The following POTEF variants were observed in gnomAD, a reference collection of about 807,000 sequenced individuals.
The protein encoded by POTEF is ANKRD26-like family C member 1B.
Under a neutral mutation model 83.2 loss-of-function variants are expected in POTEF, and 20 were observed. The observed-to-expected ratio is 0.24, with a 90% CI of 0.17 to 0.35. The LOEUF (loss-of-function observed/expected upper bound fraction) is 0.35, where lower values mean the gene tolerates loss of function less well. Ranked by LOEUF, POTEF falls within the 10% of genes least tolerant of loss-of-function variation. The pLI, the probability that POTEF is intolerant of heterozygous loss-of-function variation, is 1.00. For synonymous variants in POTEF, 196 were observed against 446.4 expected (o/e 0.44, Z 7.07); for missense variants, 550 against 1,203.2 (o/e 0.46, Z 8.03).
intron 8 of POTEF, among the ~76,000 whole-genome samples, chr2:130,102,542 C>T (rs544127487): frequency 7.5e-5 from 11 of 146,308 alleles, no homozygotes; most frequent in South Asian, 4.4e-4. Context: ...CAAGTTTTCC[C>T]GCACTTAGCT....
chr2:130,118,979 A>T (rs2104826114), intron 3 of POTEF, among the ~76,000 whole-genome samples: 2 of 151,806 alleles, frequency 1.3e-5, no homozygotes, highest in African/African-American at 4.8e-5. Flanking sequence ...TTCAGCTGTT[A>T]GTAAACAATT....
chr2:130,122,418 G>A (rs1375122240), intron 2 of POTEF, among the ~76,000 whole-genome samples: 1 of 143,722 alleles, frequency 7.0e-6, no homozygotes, highest in African/African-American at 2.6e-5. Flanking sequence ...AGCATATGTT[G>A]AATAGGGTGT....
Position 130,078,294 on chromosome 2 carries a change from A to G in POTEF, c.1779-1093T>C, listed in dbSNP as rs1201880492. Among the ~76,000 whole-genome samples, 3 of 90,688 alleles carry G rather than the reference A, an allele frequency of 3.3e-5. 1 individual carries two copies. Among genetic ancestry groups the G allele is most frequent in the Non-Finnish European group, 7.1e-5 (3 of 42,134 alleles). The allele number at this position is 90,688 out of a possible 152,430, so 59.5% of individuals were successfully genotyped here. A position where few individuals can be genotyped will look rare whatever the true frequency, so the allele number is the denominator to read the frequency against. ...ATGAATACCAATCAGTAGCACCACTATACATCAACTACAACCAAGCTGAGA... is the reference window on the plus strand; with the variant it reads ...ATGAATACCAATCAGTAGCACCACTGTACATCAACTACAACCAAGCTGAGA... On this transcript the variant is annotated intron_variant, in intron 15 of 16. Transcript: ENST00000409914.
intron 2 of POTEF, among the ~76,000 whole-genome samples, chr2:130,127,079 T>A (rs1401417166): frequency 6.6e-6 from 1 of 151,798 alleles, no homozygotes; most frequent in Admixed American, 6.6e-5. Context: ...CCTAGCACTT[T>A]GGGAGGCCAA....
At chr2:130,128,928 C>A (rs1410335733) in intron 1 of POTEF, 144 bp downstream of exon 1, 11 of 122,764 alleles carry the variant, frequency 9.0e-5, no homozygotes, top group Admixed American at 2.5e-4. Flanking sequence ...CCAAAACCGC[C>A]CCCCTCCACC....
At chr2:130,103,332 C>T (rs1334070220) in intron 8 of POTEF, among the ~76,000 whole-genome samples, 1 of 150,580 alleles carries the variant, frequency 6.6e-6, no homozygotes, top group South Asian at 2.1e-4. Context: ...ATCTTTTGAC[C>T]TTGTGATCTG....
intron 2 of POTEF, among the ~76,000 whole-genome samples, chr2:130,122,070 A>G (rs1685013495): frequency 1.3e-5 from 2 of 151,158 alleles, no homozygotes; most frequent in African/African-American, 4.9e-5. Flanking sequence ...AAGTGGAATC[A>G]TAATAATATA....
chr2:130,119,395 T>C (rs1378881618), intron 3 of POTEF, among the ~76,000 whole-genome samples: 1 of 151,956 alleles, frequency 6.6e-6, no homozygotes, highest in Non-Finnish European at 1.5e-5. Context: ...CTCAATCTCC[T>C]GACCTCATGA....
At chr2:130,126,403 C>A (rs1200003675) in intron 2 of POTEF, among the ~76,000 whole-genome samples, 1 of 151,830 alleles carries the variant, frequency 6.6e-6, no homozygotes, top group East Asian at 1.9e-4. Context: ...TTAGAACTTA[C>A]CCCGTGACTC....
chr2:130,118,793 T>A (rs1684916536), intron 3 of POTEF, among the ~76,000 whole-genome samples: 1 of 152,028 alleles, frequency 6.6e-6, no homozygotes. Flanking sequence ...TTAAATTTTT[T>A]AATCTATACT....
chr2:130,086,629 TTAGAC>T (rs1684024197), intron 13 of POTEF, among the ~76,000 whole-genome samples: 1 of 68,712 alleles, frequency 1.5e-5, no homozygotes, highest in African/African-American at 7.1e-5. Context: ...ATAATTCACC[TTAGAC>T]AAAGGGAGAA....
At chr2:130,126,266 G>A (rs1685088492) in intron 2 of POTEF, among the ~76,000 whole-genome samples, 1 of 122,992 alleles carries the variant, frequency 8.1e-6, no homozygotes, top group Non-Finnish European at 1.6e-5. Flanking sequence ...TCGCCCCATT[G>A]CACTCCAGCC....
intron 2 of POTEF, among the ~76,000 whole-genome samples, chr2:130,127,240 G>C (rs941407714): frequency 1.4e-5 from 2 of 144,508 alleles, no homozygotes; most frequent in African/African-American, 5.2e-5. Context: ...CAGGAGGATG[G>C]TGTGAACCCA....
Position 130,120,112 on chromosome 2 carries a change from A to T in POTEF, c.404T>A (p.Val135Asp), listed in dbSNP as rs1174246982. 6.2e-7 allele frequency: 1 copy of T among 1,607,382 alleles called. No individual in the cohort carries two copies. Among genetic ancestry groups the T allele is most frequent in the Admixed American group, 1.7e-5 (1 of 59,444 alleles). Residue 135 changes from valine to aspartate, a missense_variant, in exon 3 of 17, where the codon GTC becomes GAC. Coordinates refer to ENST00000409914, the MANE Select transcript of POTEF (RefSeq NM_001099771.2). Reference protein sequence around the residue: ...DSAFMEPRYHVRGEDLDKLHR... With the variant: ...DSAFMEPRYHDRGEDLDKLHR... ...GAGCTTGTCCAGATCTTCTCCACGG[A>T]CGTGGTACCTGGGCTCCATGAAGGC...
At chr2:130,113,089 A>C (rs1255839258) in intron 5 of POTEF, among the ~76,000 whole-genome samples, 1 of 143,688 alleles carries the variant, frequency 7.0e-6, no homozygotes, top group Non-Finnish European at 1.5e-5. Flanking sequence ...ACAGAGATAA[A>C]AGTCAGACTA....
chr2:130,075,466 C>A lies in POTEF; in HGVS notation c.2006G>T (p.Ser669Ile), dbSNP rs1360707249. 1 of 1,611,240 alleles carries A rather than the reference C, an allele frequency of 6.2e-7. No homozygotes were observed. The highest frequency in any genetic ancestry group is 1.3e-5 in the African/African-American group (1 of 74,580). ...CAAATATTTCTTTTCTCTTAGCTGG[C>A]TCTGATGTTTCATTGTGTCTAGCTC... ...RLELDTMKHQ[S>I]QLREKKYLED... is the part of the protein sequence containing the mutation. The change falls in exon 17 of 17, where the codon AGC becomes ATC. Residue 669 changes from serine (S) to isoleucine (I), a missense_variant. Physicochemically the swap from Ser to Ile is moderately radical, Grantham distance 142. Transcript: ENST00000409914.
chr2:130,101,224 C>G (rs956230994), intron 9 of POTEF, among the ~76,000 whole-genome samples: 1 of 148,444 alleles, frequency 6.7e-6, no homozygotes, highest in Non-Finnish European at 1.5e-5. Flanking sequence ...TTATTAGGAG[C>G]CGAAATCAAC....
At chr2:130,102,889 G>T (rs145344376) in intron 8 of POTEF, among the ~76,000 whole-genome samples, 2,589 of 151,508 alleles carry the variant, frequency 0.017, 61 homozygotes, top group Non-Finnish European at 0.025. Flanking sequence ...CTCAGCTTTC[G>T]GATGCAAATC....
chr2:130,103,102 C>CTTTTT (rs60152509), intron 8 of POTEF, among the ~76,000 whole-genome samples: 2 of 126,456 alleles, frequency 1.6e-5, no homozygotes, highest in African/African-American at 3.4e-5. Context: ...TTCTTTCTTT[C>CTTTTT]TTTTTTTTTT....
Sources: allele counts gnomAD v4.1 joint callset (sites outside exome capture counted in the v4.1 genomes callset), GRCh38; gene constraint gnomAD v4.1.1; transcripts MANE v1.5; gene names NCBI Gene and HGNC (gene_info 2026-07-23, HGNC 2026-07-21).